Variants in KCNMA1 observed in about 807,000 individuals in gnomAD.
The protein encoded by KCNMA1 is potassium calcium-activated channel subfamily M alpha 1.
In KCNMA1, 29 loss-of-function variants were observed where a neutral mutation model predicts 140.0. That is an observed-to-expected ratio of 0.21 (90% CI 0.15 to 0.28). The LOEUF (loss-of-function observed/expected upper bound fraction) is 0.28. Ranked by LOEUF, KCNMA1 falls within the 10% of genes least tolerant of loss-of-function variation. The pLI is 1.00. For missense variants in KCNMA1, 880 were observed against 1,602.2 expected, an observed-to-expected ratio of 0.55 and a Z score of 7.70; for synonymous variants, 612 against 611.9, an observed-to-expected ratio of 1.00 and a Z score of 0.00.
intron 2 of KCNMA1, among the ~76,000 whole-genome samples, chr10:77,279,818 G>T (rs868753547): frequency 1.2e-4 from 18 of 152,086 alleles, no homozygotes; most frequent in African/African-American, 4.3e-4. Context: ...TATAAGGAGG[G>T]GTTTCCCTGC....
At chr10:77,198,572 T>TATATATATATATATATATG (rs2041439055) in intron 3 of KCNMA1, among the ~76,000 whole-genome samples, 1 of 92,020 alleles carries the variant, frequency 1.1e-5, no homozygotes, top group Admixed American at 1.1e-4. Flanking sequence ...ATATGTGATA[T>TATATATATATATATATATG]ATATATATAT....
chr10:77,488,932 C>T (rs1191021966), intron 1 of KCNMA1, among the ~76,000 whole-genome samples: 1 of 152,218 alleles, frequency 6.6e-6, no homozygotes, highest in Non-Finnish European at 1.5e-5. Flanking sequence ...CTTACAGGCC[C>T]TTTAGCCCAG....
chr10:77,120,193 C>T (rs2097565139), intron 6 of KCNMA1, among the ~76,000 whole-genome samples: 1 of 152,140 alleles, frequency 6.6e-6, no homozygotes, highest in Non-Finnish European at 1.5e-5. Flanking sequence ...AATTTATGGC[C>T]TGTACTTATT....
intron 10 of KCNMA1, among the ~76,000 whole-genome samples, chr10:77,087,746 CG>C (rs2096726253): frequency 6.6e-6 from 1 of 152,204 alleles, no homozygotes; most frequent in African/African-American, 2.4e-5. Context: ...AAAAGACTGT[CG>C]ATAAGGTACC....
Position 76,977,763 on chromosome 10 carries a change from A to ATT in KCNMA1, c.2267-7698_2267-7697dup. Reference sequence around the variant, plus strand: ...TACTGTCCCTACCACCCAACCTGCTATTAGCCCTGCTGGTCCGCTCGTGTT... The same window carrying ATT: ...TACTGTCCCTACCACCCAACCTGCTATTTTAGCCCTGCTGGTCCGCTCGTGTT... On this transcript the variant is annotated intron_variant, in intron 19 of 27. Transcript: ENST00000286628. 5 of 637,994 alleles carry ATT rather than the reference A, an allele frequency of 7.8e-6. No individual in the cohort carries two copies. In the South Asian group the frequency reaches 9.2e-5, roughly 12 times the overall value. The allele number at this position is 637,994 out of a possible 1,614,324, so 39.5% of individuals were successfully genotyped here.
intron 3 of KCNMA1, 95 bp from the exon 4 acceptor site, chr10:77,185,011 C>G (rs1261836551): frequency 2.5e-6 from 2 of 800,332 alleles, no homozygotes; most frequent in South Asian, 2.7e-5. Context: ...TTAGGGTAGA[C>G]GATGAAATGA....
chr10:77,099,512 C>A (rs542045095), intron 9 of KCNMA1, among the ~76,000 whole-genome samples: 3 of 152,170 alleles, frequency 2.0e-5, no homozygotes, highest in Non-Finnish European at 2.9e-5. Context: ...GTCAGGAGTT[C>A]GAGACCAGCC....
chr10:77,004,043 AGCAAAAAACCATGT>A (rs971329841), intron 18 of KCNMA1, among the ~76,000 whole-genome samples: 1 of 152,216 alleles, frequency 6.6e-6, no homozygotes, highest in African/African-American at 2.4e-5. Flanking sequence ...TAATCGAAGC[AGCAAAAAACCATGT>A]GCTATAAGAA....
In KCNMA1 at chr10:77,637,520, G is replaced by GGAGGAGGAC; in HGVS notation, c.114_122dup (p.Ser58_Ser60dup). 1 of 1,563,798 alleles carries GGAGGAGGAC rather than the reference G, an allele frequency of 6.4e-7. No individual in the cohort carries two copies. The highest frequency in any genetic ancestry group is 1.8e-5 in the Admixed American group (1 of 54,704). ...AAGAAGAGGAAGAGGAGGAGGAGGA[G>GGAGGAGGAC]GAGGAGGACGCGTCTAGGCTGAGAT... On this transcript the variant is annotated inframe_insertion, in exon 1 of 28. Coordinates refer to ENST00000286628, the MANE Select transcript of KCNMA1 (RefSeq NM_001161352.2).
intron 6 of KCNMA1, among the ~76,000 whole-genome samples, chr10:77,116,139 C>T (rs1026840967): frequency 1.3e-5 from 2 of 152,334 alleles, no homozygotes; most frequent in Admixed American, 6.5e-5. Flanking sequence ...TTCTAGCCTG[C>T]TTCCTAAGCT....
intron 1 of KCNMA1, among the ~76,000 whole-genome samples, chr10:77,480,994 C>T (rs921449469): frequency 6.6e-6 from 1 of 151,096 alleles, no homozygotes; most frequent in African/African-American, 2.4e-5. Context: ...GTGGCGGGCG[C>T]CTGTAATCCC....
At chr10:77,328,202 T>C (rs2084958696) in intron 2 of KCNMA1, among the ~76,000 whole-genome samples, 1 of 152,254 alleles carries the variant, frequency 6.6e-6, no homozygotes, top group Non-Finnish European at 1.5e-5. Context: ...TGGCGCACAG[T>C]AAGCACTCAA....
At chr10:76,969,248 G>C (rs962013118) in intron 20 of KCNMA1, among the ~76,000 whole-genome samples, 22 of 101,456 alleles carry the variant, frequency 2.2e-4, no homozygotes, top group African/African-American at 7.0e-4. Context: ...GGGAGAAAGA[G>C]AGAGAAGGAG....
At chr10:76,875,836 G>T (rs2032278702), downstream of KCNMA1, 1 of 152,642 alleles carries the variant, frequency 6.6e-6, no homozygotes, top group Non-Finnish European at 1.5e-5. Flanking sequence ...TGGAAACCAA[G>T]AAATGTTTAT....
chr10:77,119,062 G>A (rs7918859), intron 6 of KCNMA1, among the ~76,000 whole-genome samples: 53,438 of 152,042 alleles, frequency 0.35, 9,963 homozygotes, highest in Middle Eastern at 0.45. Flanking sequence ...CTTCCACCCC[G>A]TGACTCTTCC....
At chr10:77,607,347 A>G (rs1337157315) in intron 1 of KCNMA1, among the ~76,000 whole-genome samples, 1 of 152,160 alleles carries the variant, frequency 6.6e-6, no homozygotes, top group Non-Finnish European at 1.5e-5. Context: ...TGATTCCCAT[A>G]AAAATGGCAT....
chr10:77,257,160 A>G (rs980062175), intron 2 of KCNMA1, among the ~76,000 whole-genome samples: 9 of 152,212 alleles, frequency 5.9e-5, no homozygotes, highest in Non-Finnish European at 1.5e-5. Context: ...AGGCAAAACA[A>G]TCTGGTGACA....
chr10:77,226,808 G>A (rs1470577240), intron 3 of KCNMA1, among the ~76,000 whole-genome samples: 2 of 152,198 alleles, frequency 1.3e-5, no homozygotes, highest in East Asian at 1.9e-4. Context: ...GGGGGCTACC[G>A]GGACAGCCAC....
chr10:77,218,469 C>T (rs960771869), intron 3 of KCNMA1, among the ~76,000 whole-genome samples: 2 of 152,132 alleles, frequency 1.3e-5, no homozygotes, highest in African/African-American at 4.8e-5. Context: ...GAAGACGTGT[C>T]TCCTGGTCCC....
Sources: allele counts gnomAD v4.1 joint callset (sites outside exome capture counted in the v4.1 genomes callset), GRCh38; gene constraint gnomAD v4.1.1; transcripts MANE v1.5; gene names NCBI Gene and HGNC (gene_info 2026-07-23, HGNC 2026-07-21).